KIAA0586: variants seen among roughly 807,000 people sequenced by gnomAD.
KIAA0586 encodes protein TALPID3.
Under a neutral mutation model 169.8 loss-of-function variants are expected in KIAA0586, and 144 were observed. That is an observed-to-expected ratio of 0.85 (90% CI 0.74 to 0.97). KIAA0586 has a LOEUF of 0.97. Among genes scored for constraint, KIAA0586 ranks in the 50% least tolerant of loss-of-function variants. KIAA0586 has a pLI of 0.00. For missense variants in KIAA0586, 1,854 were observed against 1,823.0 expected (o/e 1.02, Z -0.31); for synonymous variants, 625 against 612.4 (o/e 1.02, Z -0.30).
chr14:58,537,279 C>T (rs1032338851), intron 29 of KIAA0586: 1 of 692,664 alleles, frequency 1.4e-6, no homozygotes, highest in African/African-American at 1.9e-5. Flanking sequence ...AAGATCCTCC[C>T]CCAGTTTTGA....
chr14:58,534,704 G>A (rs1311906649), intron 29 of KIAA0586, among the ~76,000 whole-genome samples: 1 of 152,054 alleles, frequency 6.6e-6, no homozygotes, highest in Admixed American at 6.6e-5. Context: ...TCAGCAGTAC[G>A]GCCTATGACT....
intron 29 of KIAA0586, among the ~76,000 whole-genome samples, chr14:58,526,617 G>A (rs2045601610): frequency 6.6e-6 from 1 of 152,134 alleles, no homozygotes; most frequent in Admixed American, 6.5e-5. Flanking sequence ...AGTGCAAAAA[G>A]CCTGAAAATT....
intron 8 of KIAA0586, among the ~76,000 whole-genome samples, chr14:58,451,004 T>C (rs1321945564): frequency 2.2e-3 from 159 of 72,766 alleles, no homozygotes; most frequent in African/African-American, 4.6e-3. Context: ...TTTTTTTTTT[T>C]CTGAGACGGA....
chr14:58,459,166 T>G (rs1032737350), intron 12 of KIAA0586, among the ~76,000 whole-genome samples: 4 of 152,196 alleles, frequency 2.6e-5, no homozygotes, highest in African/African-American at 4.8e-5. Context: ...GTAGATGTGC[T>G]TATATGCTAC....
intron 8 of KIAA0586, 48 bp from the exon 9 acceptor site, chr14:58,453,302 G>A: frequency 9.8e-7 from 1 of 1,018,630 alleles, no homozygotes; most frequent in Middle Eastern, 3.1e-4. Context: ...ATATACAAGA[G>A]AAATGAATTA....
downstream of KIAA0586, among the ~76,000 whole-genome samples, chr14:58,555,604 T>G (rs1030429603): frequency 6.6e-6 from 1 of 152,190 alleles, no homozygotes; most frequent in Non-Finnish European, 1.5e-5. Context: ...TTCTACCACT[T>G]CCTGATCGAA....
rs542537130 is a variant in KIAA0586, at chr14:58,517,820, A to G, written c.4429+5193A>G. 3.3e-5 allele frequency among the ~76,000 whole-genome samples: 5 copies of G among 152,308 alleles called. No individual in the cohort carries two copies. In the East Asian group the frequency reaches 5.8e-4, roughly 18 times the overall value. On this transcript the variant is annotated intron_variant, in intron 29 of 30. Transcript: ENST00000652326. The stretch of plus-strand genomic sequence containing the variant: ...GAACAGACGTGAACTACTGATACAC[A>G]CACAACAGCACAGATGAATCTCAGT...
At chr14:58,494,980 A>G (rs1030994350) in intron 26 of KIAA0586, among the ~76,000 whole-genome samples, 1 of 152,280 alleles carries the variant, frequency 6.6e-6, no homozygotes, top group Non-Finnish European at 1.5e-5. Flanking sequence ...GCCCCTCCAC[A>G]CAGCCTCCTC....
At position 58,428,067 on chromosome 14, in the gene KIAA0586, G is replaced by A; in HGVS notation, c.-198G>A. The A allele has an allele frequency of 6.9e-7, 1 of 1,443,888 alleles. No homozygotes were observed. The highest frequency in any genetic ancestry group is 9.0e-7 in the Non-Finnish European group (1 of 1,105,192). 89.4% of individuals were successfully genotyped at this position (1,443,888 alleles called of 1,614,324 possible). On this transcript the variant is annotated 5_prime_UTR_variant, in exon 1 of 31. Transcript: ENST00000652326. ...GGCGTGGTGTATTAATAGACTGAGT[G>A]GGATTAATGGGTAAATATGACTTTA...
chr14:58,510,239 T>G (rs181788155), intron 28 of KIAA0586, among the ~76,000 whole-genome samples: 260 of 152,116 alleles, frequency 1.7e-3, no homozygotes, highest in African/African-American at 6.1e-3. Context: ...TGTGGTGGTG[T>G]GCACCTGTAG....
At position 58,535,880 on chromosome 14, in the gene KIAA0586, C is replaced by A. The variant is rs1178490545; in HGVS notation, c.4430-4191C>A. 3.3e-5 allele frequency among the ~76,000 whole-genome samples: 5 copies of A among 151,736 alleles called. No individual in the cohort carries two copies. The East Asian group carries it at 9.7e-4, about 29-fold the overall frequency. ...TTTTGGGGGGCTTCATCTTTATATC[C>A]TTATTTTGCAGTTAACAGCCTTATA... On this transcript the variant is annotated intron_variant, in intron 29 of 30. Transcript: ENST00000652326.
rs185417874 is a variant in KIAA0586 at position 58,526,196 on chromosome 14, G to A, written c.4429+13569G>A. Among the ~76,000 whole-genome samples the A allele has an allele frequency of 1.2e-3, 188 of 152,330 alleles. 1 individual carries two copies. Among genetic ancestry groups the A allele is most frequent in the South Asian group, 1.4e-3 (7 of 4,830 alleles). On this transcript the variant is annotated intron_variant, in intron 29 of 30. Coordinates refer to ENST00000652326, the MANE Select transcript of KIAA0586 (RefSeq NM_001329943.3). ...AGAGCAGCAAATCTCCCAGCATAGCGCTCAAGCTTTGCTAAGGGACAGACT... is the reference window on the plus strand; with the variant it reads ...AGAGCAGCAAATCTCCCAGCATAGCACTCAAGCTTTGCTAAGGGACAGACT...
intron 27 of KIAA0586, among the ~76,000 whole-genome samples, 188 bp downstream of exon 27, chr14:58,499,148 A>T (rs908779877): frequency 1.6e-4 from 25 of 152,328 alleles, no homozygotes; most frequent in Admixed American, 1.5e-3. Context: ...TGTGATTCAT[A>T]TATCAGTGTT....
In KIAA0586 at chr14:58,474,698, C is replaced by T. The variant is rs1185120164; in HGVS notation, c.2726C>T (p.Pro909Leu). The part of the protein sequence containing the change: ...VKADSTKYNG[P>L]PFPPVASTFQ... ...GCTGATTCTACAAAATATAATGGTC[C>T]TCCATTTCCGCCAGTTGCTTCTACT... Residue 909 changes from proline (P) to leucine (L), a missense_variant, in exon 19 of 31, where the codon CCT becomes CTT. Physicochemically the swap from Pro to Leu is moderately conservative, Grantham distance 98. Transcript: ENST00000652326. 5 of 1,613,194 alleles carry T rather than the reference C, an allele frequency of 3.1e-6. No individual in the cohort carries two copies. The Admixed American group carries it at 5.0e-5, about 16-fold the overall frequency.
At position 58,450,666 on chromosome 14, in the gene KIAA0586, C is replaced by A; in HGVS notation, c.1049C>A (p.Pro350His). ...TPAPRRFAPVPVSRDDELSKR... is the reference protein window; with the variant it reads ...TPAPRRFAPVHVSRDDELSKR... ...GCACCTCGCAGATTTGCTCCTGTAC[C>A]TGTTTCAAGGGATGATGAACTATCA... Residue 350 changes from proline to histidine, a missense_variant, in exon 8 of 31, where the codon CCT becomes CAT. Coordinates refer to ENST00000652326, the MANE Select transcript of KIAA0586 (RefSeq NM_001329943.3). The A allele has an allele frequency of 6.2e-7, 1 of 1,609,204 alleles. No homozygotes were observed. The highest frequency in any genetic ancestry group is 8.5e-7 in the Non-Finnish European group (1 of 1,175,670).
intron 12 of KIAA0586, among the ~76,000 whole-genome samples, chr14:58,459,599 C>T (rs1018506140): frequency 6.6e-6 from 1 of 152,106 alleles, no homozygotes; most frequent in African/African-American, 2.4e-5. Context: ...GCTACCCCTG[C>T]AACCCTTCTA....
At chr14:58,430,033 G>A (rs1311798040) in intron 2 of KIAA0586, among the ~76,000 whole-genome samples, 1 of 152,112 alleles carries the variant, frequency 6.6e-6, no homozygotes, top group Non-Finnish European at 1.5e-5. Flanking sequence ...TTTGAAAATT[G>A]AAGCTGGCAA....
intron 20 of KIAA0586, among the ~76,000 whole-genome samples, chr14:58,481,809 C>CTTTGT (rs1263578393): frequency 3.8e-5 from 4 of 106,316 alleles, no homozygotes; most frequent in African/African-American, 1.4e-4. Context: ...CATCTCTAAA[C>CTTTGT]TTTGTTTTGT....
chr14:58,498,456 A>T (rs1334880991), intron 26 of KIAA0586, among the ~76,000 whole-genome samples: 1 of 151,942 alleles, frequency 6.6e-6, no homozygotes, highest in South Asian at 2.1e-4. Context: ...GATTATAGGC[A>T]TGAGCCACCG....
Sources: gnomAD v4.1 joint callset for allele counts (sites outside exome capture counted in the v4.1 genomes callset) on GRCh38, gnomAD v4.1.1 for gene constraint, MANE v1.5 for transcripts, NCBI Gene and HGNC (gene_info 2026-07-23, HGNC 2026-07-21) for gene names.